The following KIR2DL1 variants were observed in gnomAD, a reference collection of about 807,000 sequenced individuals.
KIR2DL1 encodes the protein killer cell immunoglobulin like receptor, two Ig domains and long cytoplasmic tail 1.
In KIR2DL1, 38 loss-of-function variants were observed where a neutral mutation model predicts 33.9. The observed-to-expected ratio is 1.12, with a 90% confidence interval of 0.86 to 1.47. The LOEUF (loss-of-function observed/expected upper bound fraction) is 1.47. Ranked by LOEUF, KIR2DL1 falls within the 40% of genes most tolerant of loss-of-function variation. The pLI, the probability that KIR2DL1 is intolerant of heterozygous loss-of-function variation, is 0.00. For missense variants in KIR2DL1, 531 were observed against 433.9 expected, an observed-to-expected ratio of 1.22 and a Z score of -1.99; for synonymous variants, 179 against 165.9, an observed-to-expected ratio of 1.08 and a Z score of -0.61.
intron 4 of KIR2DL1, among the ~76,000 whole-genome samples, chr19:54,778,389 A>G (rs918594578): frequency 6.7e-6 from 1 of 148,892 alleles, no homozygotes; most frequent in Non-Finnish European, 1.5e-5. Flanking sequence ...GCTCTGTAAC[A>G]TATTTTGAGA....
chr19:54,783,490 T>C lies in KIR2DL1; in HGVS notation c.822T>C (p.Ala274=). The C allele has an allele frequency of 3.1e-6, 5 of 1,613,032 alleles. No individual in the cohort carries two copies. Among genetic ancestry groups the C allele is most frequent in the Non-Finnish European group, 3.4e-6 (4 of 1,179,490 alleles). ...GTTGACTTCCATCTTCTACAGATGC[T>C]GCGGTAATGGACCAAGAGTCTGCAG... ...LHRWCSNKKN[A]AVMDQESAGN... Residue 274 remains alanine, a synonymous_variant, in exon 7 of 8, where the codon GCT becomes GCC. Transcript: ENST00000336077.
intron 1 of KIR2DL1, among the ~76,000 whole-genome samples, chr19:54,770,138 G>T (rs1475202435): frequency 6.9e-6 from 1 of 145,352 alleles, no homozygotes; most frequent in Non-Finnish European, 1.5e-5. Context: ...GGAACCTGGA[G>T]GGGAGATAGG....
chr19:54,777,410 G>T lies in KIR2DL1; in HGVS notation c.665-1202G>T, dbSNP rs1191207346. Among the ~76,000 whole-genome samples, 18 of 148,826 alleles carry T rather than the reference G, an allele frequency of 1.2e-4. No individual in the cohort carries two copies. In the East Asian group the frequency reaches 3.5e-3, roughly 29 times the overall value. On this transcript the variant is annotated intron_variant, in intron 4 of 7. Coordinates refer to ENST00000336077, the MANE Select transcript of KIR2DL1 (RefSeq NM_014218.3). ...CCGGCCTAAAAGCCATTTTAATGGG[G>T]TGAGATGAAAACTCACTTTGATTTT...
chr19:54,770,996 T>G, intron 2 of KIR2DL1, 112 bp downstream of exon 2: 1 of 1,440,172 alleles, frequency 6.9e-7, no homozygotes, highest in Non-Finnish European at 9.7e-7. Flanking sequence ...GAAGGGACCC[T>G]GGGGTGCTGG....
rs1451733782 is a variant in KIR2DL1, at chr19:54,783,719, C to G, written c.953C>G (p.Pro318Arg). 1.9e-6 allele frequency: 3 copies of G among 1,614,028 alleles called. No homozygotes were observed. In the South Asian group the frequency reaches 3.3e-5, roughly 18 times the overall value. ...CVFTQRKITR[P>R]SQRPKTPPTD... ...TTCACACAGAGAAAAATCACTCGCC[C>G]TTCTCAGAGGCCCAAGACACCCCCA... The change falls in exon 8 of 8, where the codon CCT (proline) becomes CGT (arginine). Residue 318 changes from proline (P) to arginine (R), a missense_variant. By Grantham distance (103) the Pro-to-Arg change is moderately radical. Coordinates refer to ENST00000336077, the MANE Select transcript of KIR2DL1 (RefSeq NM_014218.3).
At chr19:54,783,569 A>G (rs1372321373) in intron 7 of KIR2DL1, 31 bp downstream of exon 7, 1 of 1,613,904 alleles carries the variant, frequency 6.2e-7, no homozygotes, top group Non-Finnish European at 8.5e-7. Context: ...GCTCGTGGCT[A>G]CTGTTATTCC....
intron 5 of KIR2DL1, chr19:54,780,155 C>G: frequency 1.9e-6 from 1 of 521,448 alleles, no homozygotes; most frequent in East Asian, 2.8e-5. Flanking sequence ...CCGACCGTCT[C>G]AGCATGCCAA....
At chr19:54,770,107 T>G (rs531969582) in intron 1 of KIR2DL1, among the ~76,000 whole-genome samples, 2 of 143,694 alleles carry the variant, frequency 1.4e-5, no homozygotes, top group East Asian at 4.0e-4. Flanking sequence ...GTAGTGGAGA[T>G]CTGGGCCTGG....
intron 4 of KIR2DL1, among the ~76,000 whole-genome samples, chr19:54,778,401 C>T (rs2076590357): frequency 1.3e-5 from 2 of 148,416 alleles, no homozygotes; most frequent in African/African-American, 2.5e-5. Flanking sequence ...ATTTTGAGAT[C>T]AGGTAGTGTG....
chr19:54,769,855 C>G lies in KIR2DL1; in HGVS notation c.5C>G (p.Ser2Trp). Reference protein sequence around the residue: MSLLVVSMACVG... With the variant: MWLLVVSMACVG... ...CCTGTCTGCTCCGGCAGCACCATGT[C>G]GCTCTTGGTCGTCAGCATGGCGTGT... Residue 2 changes from serine (S) to tryptophan (W), a missense_variant, in exon 1 of 8, where the codon TCG becomes TGG. Transcript: ENST00000336077. 2 of 1,569,822 alleles carry G rather than the reference C, an allele frequency of 1.3e-6. No homozygotes were observed. The highest frequency in any genetic ancestry group is 8.7e-7 in the Non-Finnish European group (1 of 1,147,220).
In KIR2DL1 at chr19:54,778,985, G is replaced by C. The variant is rs113585640; in HGVS notation, c.715+323G>C. On this transcript the variant is annotated intron_variant, in intron 5 of 7. Coordinates refer to ENST00000336077, the MANE Select transcript of KIR2DL1 (RefSeq NM_014218.3). ...GATAAATTCCTGGAGACTTGAGAGAGGGAAGGGAAGGGAACATCTGATGAG... is the reference window on the plus strand; with the variant it reads ...GATAAATTCCTGGAGACTTGAGAGACGGAAGGGAAGGGAACATCTGATGAG... Among the ~76,000 whole-genome samples the C allele has an allele frequency of 1.2e-4, 17 of 146,848 alleles. No individual in the cohort carries two copies. In the South Asian group the frequency reaches 1.3e-3, roughly 11 times the overall value.
intron 2 of KIR2DL1, among the ~76,000 whole-genome samples, chr19:54,772,593 G>C (rs1370563613): frequency 1.4e-5 from 2 of 146,072 alleles, no homozygotes; most frequent in East Asian, 2.0e-4. Flanking sequence ...TAATCCTAGC[G>C]ACTTGGGAGG....
At chr19:54,777,873 T>A (rs2076527548) in intron 4 of KIR2DL1, among the ~76,000 whole-genome samples, 1 of 147,984 alleles carries the variant, frequency 6.8e-6, no homozygotes, top group African/African-American at 2.5e-5. Context: ...AGTTGCAGTT[T>A]CATTCCTCTG....
At position 54,775,429 on chromosome 19, in the gene KIR2DL1, C is replaced by G; in HGVS notation, c.635C>G (p.Ser212Ter). 6.3e-7 allele frequency: 1 copy of G among 1,584,766 alleles called. No homozygotes were observed. The highest frequency in any genetic ancestry group is 8.6e-7 in the Non-Finnish European group (1 of 1,156,670). Reference sequence around the variant, plus strand: ...GACTCTCCATACGAGTGGTCAAAGTCAAGTGACCCACTGCTTGTTTCTGTC... The same window carrying G: ...GACTCTCCATACGAGTGGTCAAAGTGAAGTGACCCACTGCTTGTTTCTGTC... ...FHDSPYEWSK[S>*]SDPLLVSVTG... The change falls in exon 4 of 8, where the codon TCA (serine) becomes TGA (stop). Residue 212 changes from serine (S) to a stop codon, truncating the protein, a stop_gained. Transcript: ENST00000336077. LOFTEE classifies it high-confidence loss of function.
rs1451887509 is a variant in KIR2DL1 at position 54,771,158 on chromosome 19, TCA to T, written c.70+280_70+281del. Reference sequence around the variant, plus strand: ...GATCCTCTGAGGACAAAGGTGTTACTCACACACTTCAGCGTTTCCATGACGGT... The same window carrying T: ...GATCCTCTGAGGACAAAGGTGTTACTCACACTTCAGCGTTTCCATGACGGT... On this transcript the variant is annotated intron_variant, in intron 2 of 7. Coordinates refer to ENST00000336077, the MANE Select transcript of KIR2DL1 (RefSeq NM_014218.3). Among the ~76,000 whole-genome samples the T allele has an allele frequency of 8.1e-5, 12 of 148,572 alleles. 1 individual carries two copies. The East Asian group carries it at 1.6e-3, about 19-fold the overall frequency.
Position 54,769,820 on chromosome 19 carries a change from G to A in KIR2DL1, c.-31G>A, listed in dbSNP as rs1482509801. ...CCTGTGCGCTGCTGAGCTGAGCTCG[G>A]TCGCGGCTGCCTGTCTGCTCCGGCA... On this transcript the variant is annotated 5_prime_UTR_variant, in exon 1 of 8. Coordinates refer to ENST00000336077, the MANE Select transcript of KIR2DL1 (RefSeq NM_014218.3). 4.5e-6 allele frequency: 7 copies of A among 1,567,118 alleles called. 2 individuals carry two copies. The highest frequency in any genetic ancestry group is 6.1e-6 in the Non-Finnish European group (7 of 1,145,524).
At chr19:54,783,573 T>C in intron 7 of KIR2DL1, 35 bp downstream of exon 7, 1 of 1,613,924 alleles carries the variant, frequency 6.2e-7, no homozygotes, top group South Asian at 1.1e-5. Context: ...GTGGCTACTG[T>C]TATTCCCAAA....
At chr19:54,777,152 G>T (rs1159415163) in intron 4 of KIR2DL1, among the ~76,000 whole-genome samples, 5 of 150,830 alleles carry the variant, frequency 3.3e-5, no homozygotes, top group Admixed American at 6.6e-5. Flanking sequence ...GTGCAGTGGC[G>T]CTATCTCGGC....
At position 54,778,959 on chromosome 19, in the gene KIR2DL1, G is replaced by A. The variant is rs191597794; in HGVS notation, c.715+297G>A. Among the ~76,000 whole-genome samples the A allele has an allele frequency of 4.2e-4, 62 of 146,914 alleles. 3 individuals are homozygous for A. Among genetic ancestry groups the A allele is most frequent in the African/African-American group, 1.5e-3 (59 of 40,046 alleles). ...TGTTCTACCTGCATTCCTAACTGGA[G>A]GATAAATTCCTGGAGACTTGAGAGA... On this transcript the variant is annotated intron_variant, in intron 5 of 7. Coordinates refer to ENST00000336077, the MANE Select transcript of KIR2DL1 (RefSeq NM_014218.3).
Sources: gnomAD v4.1 joint callset for allele counts (sites outside exome capture counted in the v4.1 genomes callset) on GRCh38, gnomAD v4.1.1 for gene constraint, MANE v1.5 for transcripts, NCBI Gene and HGNC (gene_info 2026-07-23, HGNC 2026-07-21) for gene names.